Variants in EPB41L4A observed in about 807,000 individuals in gnomAD.
The protein encoded by EPB41L4A is erythrocyte membrane protein band 4.1 like 4A.
Under a neutral mutation model 108.6 loss-of-function variants are expected in EPB41L4A, and 100 were observed. That is an observed-to-expected ratio of 0.92 (90% CI 0.78 to 1.09). The LOEUF (loss-of-function observed/expected upper bound fraction) is 1.09. Among genes scored for constraint, EPB41L4A ranks in the 50% least tolerant of loss-of-function variants. EPB41L4A has a pLI of 0.00. For missense variants in EPB41L4A, 1,030 were observed against 842.7 expected (o/e 1.22, Z -2.75); for synonymous variants, 319 against 289.0 (o/e 1.10, Z -1.05).
At position 112,230,588 on chromosome 5, in the gene EPB41L4A, T is replaced by C. The variant is rs141803466; in HGVS notation, c.1087+4046A>G. Among the ~76,000 whole-genome samples, 165 of 152,336 alleles carry C rather than the reference T, an allele frequency of 1.1e-3. 1 individual carries two copies. The highest frequency in any genetic ancestry group is 0.01 in the Middle Eastern group (3 of 294). ...CTTTTTGATGGGTTATTCATTTTTT[T>C]TCCTGCTGATTTCAGTTCCTCGTAG... On this transcript the variant is annotated intron_variant, in intron 12 of 22. Coordinates refer to ENST00000261486, the MANE Select transcript of EPB41L4A (RefSeq NM_022140.5).
chr5:112,167,018 G>C (rs1032908404), intron 22 of EPB41L4A, among the ~76,000 whole-genome samples: 1 of 149,826 alleles, frequency 6.7e-6, no homozygotes, highest in East Asian at 2.0e-4. Flanking sequence ...CTTGTATCCC[G>C]CAAAGTGAAA....
intron 1 of EPB41L4A, among the ~76,000 whole-genome samples, chr5:112,308,806 T>C (rs900775725): frequency 1.3e-5 from 2 of 151,994 alleles, no homozygotes; most frequent in African/African-American, 2.4e-5. Flanking sequence ...AAAAAGACCA[T>C]TACAATTCAT....
chr5:112,259,065 A>G (rs888172478), intron 9 of EPB41L4A, among the ~76,000 whole-genome samples, 164 bp downstream of exon 9: 1 of 152,058 alleles, frequency 6.6e-6, no homozygotes, highest in Non-Finnish European at 1.5e-5. Flanking sequence ...ACTCATTTCT[A>G]TTCACTTCCC....
chr5:112,283,351 A>G (rs1330978046), intron 2 of EPB41L4A, among the ~76,000 whole-genome samples: 1 of 152,230 alleles, frequency 6.6e-6, no homozygotes, highest in Non-Finnish European at 1.5e-5. Flanking sequence ...ACCAGGTTTC[A>G]GAAGCCAAGA....
At chr5:112,170,100 C>T in intron 20 of EPB41L4A, 1 of 555,102 alleles carries the variant, frequency 1.8e-6, no homozygotes. Context: ...AAAGAGGTGG[C>T]TAATAAGAGA....
chr5:112,293,856 G>C (rs879820180), intron 2 of EPB41L4A, among the ~76,000 whole-genome samples: 27 of 152,148 alleles, frequency 1.8e-4, no homozygotes, highest in Non-Finnish European at 2.6e-4. Context: ...ACTCTAAACA[G>C]AAAATGTTCC....
At chr5:112,271,398 T>C (rs954959528) in intron 4 of EPB41L4A, among the ~76,000 whole-genome samples, 13 of 152,270 alleles carry the variant, frequency 8.5e-5, no homozygotes, top group African/African-American at 2.9e-4. Context: ...CTTTGCATTA[T>C]GGTAAGTACT....
chr5:112,419,023 G>A lies in EPB41L4A; in HGVS notation c.17C>T (p.Ala6Val), dbSNP rs1217660905. 4 of 1,613,520 alleles carry A rather than the reference G, an allele frequency of 2.5e-6. No homozygotes were observed. The highest frequency in any genetic ancestry group is 1.1e-5 in the South Asian group (1 of 91,034). Residue 6 changes from alanine to valine, a missense_variant, in exon 1 of 23, where the codon GCT becomes GTT. Physicochemically the swap from Ala to Val is moderately conservative, Grantham distance 64. Coordinates refer to ENST00000261486, the MANE Select transcript of EPB41L4A (RefSeq NM_022140.5). MGCFCAVPEEFYCEVL... is the reference protein window; with the variant it reads MGCFCVVPEEFYCEVL... ...TTCGCAGTAAAATTCTTCCGGAACA[G>A]CGCAGAAACAGCCCATGTCGGTTGT... is the stretch of plus-strand genomic sequence containing the variant.
chr5:112,312,859 A>C lies in EPB41L4A; in HGVS notation c.100-5369T>G, dbSNP rs113431148. Reference sequence around the variant, plus strand: ...GGCCAATATTTTGCAGTTCAGGTGTAAAGTCTTCAGGTCCAGAAGAAATCA... The same window carrying C: ...GGCCAATATTTTGCAGTTCAGGTGTCAAGTCTTCAGGTCCAGAAGAAATCA... On this transcript the variant is annotated intron_variant, in intron 1 of 22. Transcript: ENST00000261486. Among the ~76,000 whole-genome samples the C allele has an allele frequency of 9.2e-5, 14 of 152,328 alleles. No homozygotes were observed. The East Asian group carries it at 2.7e-3, about 29-fold the overall frequency.
intron 1 of EPB41L4A, among the ~76,000 whole-genome samples, chr5:112,377,325 G>A (rs1240600278): frequency 1.3e-5 from 2 of 151,752 alleles, no homozygotes; most frequent in Non-Finnish European, 1.5e-5. Context: ...ATACAGTTTT[G>A]TAAGAAGTTA....
Position 112,181,178 on chromosome 5 carries a change from G to A in EPB41L4A, c.1622+2838C>T, listed in dbSNP as rs7711996. 4.9e-3 allele frequency among the ~76,000 whole-genome samples: 740 copies of A among 152,236 alleles called. 10 individuals carry two copies. Among genetic ancestry groups the A allele is most frequent in the African/African-American group, 0.017 (713 of 41,534 alleles). On this transcript the variant is annotated intron_variant, in intron 18 of 22. Coordinates refer to ENST00000261486, the MANE Select transcript of EPB41L4A (RefSeq NM_022140.5). ...TATAAAATTAAACATGTGGCCGGGCGTGGTGGCTCATGCCTGTAACCCCAG... is the reference window on the plus strand; with the variant it reads ...TATAAAATTAAACATGTGGCCGGGCATGGTGGCTCATGCCTGTAACCCCAG...
chr5:112,205,313 C>T (rs541059697), intron 14 of EPB41L4A, 108 bp downstream of exon 14: 1 of 930,802 alleles, frequency 1.1e-6, no homozygotes, highest in African/African-American at 1.6e-5. Context: ...ACTTTATCCA[C>T]AGCTAGCTGT....
chr5:112,188,122 T>C (rs765024813), intron 17 of EPB41L4A, among the ~76,000 whole-genome samples: 22 of 152,234 alleles, frequency 1.4e-4, no homozygotes, highest in East Asian at 9.6e-4. Context: ...GGCCCCTCCA[T>C]TGCCAAAATT....
intron 9 of EPB41L4A, among the ~76,000 whole-genome samples, chr5:112,247,129 A>T (rs894858452): frequency 2.6e-5 from 4 of 151,390 alleles, no homozygotes; most frequent in African/African-American, 9.7e-5. Flanking sequence ...CCTGTCATTG[A>T]CACATGATTG....
At chr5:112,249,024 G>T (rs1289763766) in intron 9 of EPB41L4A, 13 of 152,102 alleles carry the variant, frequency 8.5e-5, no homozygotes, top group Admixed American at 8.5e-4. Flanking sequence ...CACATCCAAG[G>T]TCACATTAGA....
At chr5:112,372,893 G>C (rs923670566) in intron 1 of EPB41L4A, among the ~76,000 whole-genome samples, 3 of 152,220 alleles carry the variant, frequency 2.0e-5, no homozygotes, top group Non-Finnish European at 4.4e-5. Flanking sequence ...AGCAGAGATA[G>C]AGAGGGGTAG....
downstream of EPB41L4A, among the ~76,000 whole-genome samples, chr5:112,158,675 A>G (rs539293957): frequency 4.6e-5 from 7 of 151,716 alleles, no homozygotes; most frequent in East Asian, 1.3e-3. Flanking sequence ...GGAAGCAAAC[A>G]CATCCTTTTG....
chr5:112,277,975 T>TG (rs1163940189), intron 3 of EPB41L4A, among the ~76,000 whole-genome samples: 1 of 152,244 alleles, frequency 6.6e-6, no homozygotes, highest in Non-Finnish European at 1.5e-5. Context: ...AGCCAAAAAC[T>TG]GGGAATCCTC....
intron 1 of EPB41L4A, among the ~76,000 whole-genome samples, chr5:112,378,945 G>A (rs1759992318): frequency 6.6e-6 from 1 of 152,138 alleles, no homozygotes; most frequent in African/African-American, 2.4e-5. Context: ...CCACTGTGAT[G>A]TGTTCTCCAG....
Sources: gnomAD v4.1 joint callset for allele counts (sites outside exome capture counted in the v4.1 genomes callset) on GRCh38, gnomAD v4.1.1 for gene constraint, MANE v1.5 for transcripts, NCBI Gene and HGNC (gene_info 2026-07-23, HGNC 2026-07-21) for gene names.